Variants in CCDC159 observed in about 807,000 individuals in gnomAD.
CCDC159 encodes coiled-coil domain containing 159, also known as coiled-coil domain-containing protein 159.
In CCDC159, 40 loss-of-function variants were observed where a neutral mutation model predicts 50.9. The observed-to-expected ratio is 0.79, with a 90% CI of 0.61 to 1.02. The LOEUF (loss-of-function observed/expected upper bound fraction) is 1.02. Ranked by LOEUF, CCDC159 falls within the 50% of genes least tolerant of loss-of-function variation. The pLI is 0.00. For synonymous variants in CCDC159, 146 were observed against 138.9 expected (o/e 1.05, Z -0.36); for missense variants, 356 against 371.5 (o/e 0.96, Z 0.34).
Position 11,352,084 on chromosome 19 carries a change from A to G in CCDC159, c.518A>G (p.Asn173Ser), listed in dbSNP as rs1005248633. 10 of 1,613,804 alleles carry G rather than the reference A, an allele frequency of 6.2e-6. No homozygotes were observed. The highest frequency in any genetic ancestry group is 8.5e-6 in the Non-Finnish European group (10 of 1,179,804). ...GCGCAGGAGGATGAGATCTCAGAGA[A>G]CTTGGTGAACATTCAGAAAATGCAG... ...LQAQEDEISE[N>S]LVNIQKMQKT... The change falls in exon 7 of 11, where the codon AAC becomes AGC. Residue 173 changes from asparagine (N) to serine (S), a missense_variant. By Grantham distance (46) the Asn-to-Ser change is conservative (BLOSUM62 1). Transcript: ENST00000458408.
intron 6 of CCDC159, 31 bp downstream of exon 6, chr19:11,352,004 G>A (rs770515973): frequency 1.2e-6 from 2 of 1,612,430 alleles, no homozygotes; most frequent in East Asian, 2.2e-5. Context: ...GCCGGTGTGT[G>A]GGGAGGGGGT....
intron 4 of CCDC159, 40 bp downstream of exon 4, chr19:11,350,239 C>A (rs370497470): frequency 1.0e-5 from 16 of 1,556,462 alleles, no homozygotes; most frequent in Middle Eastern, 3.4e-4. Flanking sequence ...CTAGGCCAGG[C>A]GTGGTGGCTC....
intron 1 of CCDC159, among the ~76,000 whole-genome samples, chr19:11,346,927 G>A (rs1408044112): frequency 6.6e-6 from 1 of 152,116 alleles, no homozygotes; most frequent in Non-Finnish European, 1.5e-5. Context: ...GCACTGGCAT[G>A]GATTAATTTA....
chr19:11,348,858 C>A, intron 1 of CCDC159: 2 of 661,510 alleles, frequency 3.0e-6, no homozygotes, highest in Non-Finnish European at 5.1e-6. Context: ...TGAAGTGTGA[C>A]AAGTACTGGG....
intron 1 of CCDC159, among the ~76,000 whole-genome samples, chr19:11,347,739 A>C (rs1216362985): frequency 1.3e-5 from 2 of 152,214 alleles, no homozygotes; most frequent in African/African-American, 2.4e-5. Flanking sequence ...GAAGAGGCTG[A>C]GTGTGACTCA....
Position 11,353,805 on chromosome 19 carries a change from G to T in CCDC159, c.703G>T (p.Val235Leu). 6.3e-7 allele frequency: 1 copy of T among 1,597,842 alleles called. No individual in the cohort carries two copies. The highest frequency in any genetic ancestry group is 8.5e-7 in the Non-Finnish European group (1 of 1,172,284). The change falls in exon 9 of 11, where the codon GTG becomes TTG. Residue 235 changes from valine to leucine, a missense_variant. Val to Leu is a conservative substitution (Grantham distance 32). Coordinates refer to ENST00000458408, the MANE Select transcript of CCDC159 (RefSeq NM_001080503.3). ...ELSDIWSAVH[V>L]LQNSIDSLTL... ...GTCTTCTTGCAGGTCTGCTGTGCAC[G>T]TGCTGCAGAACTCCATAGACAGCCT...
At chr19:11,349,901 C>T in intron 2 of CCDC159, 37 bp from the exon 3 acceptor site, 3 of 1,598,860 alleles carry the variant, frequency 1.9e-6, no homozygotes, top group Non-Finnish European at 1.7e-6. Flanking sequence ...AGACCCCACC[C>T]CTTACAGCCC....
chr19:11,353,730 G>C (rs774038452), intron 8 of CCDC159, 62 bp from the exon 9 acceptor site: 6 of 1,544,332 alleles, frequency 3.9e-6, no homozygotes, highest in Admixed American at 1.9e-5. Flanking sequence ...TAGCTGTACT[G>C]CTGTCTACAC....
At chr19:11,350,749 A>G in intron 4 of CCDC159, 59 bp from the exon 5 acceptor site, 2 of 1,463,824 alleles carry the variant, frequency 1.4e-6, no homozygotes, top group Non-Finnish European at 9.1e-7. Context: ...GGTCAAGATT[A>G]GGACAAGCTG....
At chr19:11,347,419 C>A (rs1185613703) in intron 1 of CCDC159, among the ~76,000 whole-genome samples, 6 of 152,216 alleles carry the variant, frequency 3.9e-5, no homozygotes, top group African/African-American at 1.4e-4. Context: ...CAACCTCCGC[C>A]TCTGAGGTTC....
chr19:11,354,568 T>G lies in CCDC159; in HGVS notation c.773-12T>G. 1 of 1,568,080 alleles carries G rather than the reference T, an allele frequency of 6.4e-7. No individual in the cohort carries two copies. The highest frequency in any genetic ancestry group is 8.6e-7 in the Non-Finnish European group (1 of 1,157,002). On this transcript the variant is annotated splice_polypyrimidine_tract_variant and intron_variant, in intron 9 of 10. Transcript: ENST00000458408. ...TTGAGGGTCACATTCAGGGAACCTG[T>G]CCCTCCTGCAGGCCACAAGGGGCAC...
In CCDC159 at chr19:11,346,532, A is replaced by G. The variant is rs1967240051; in HGVS notation, c.-75A>G. ...ACCCCTCTCTGTGACTCAGTCTCTG[A>G]GCGTTTTAATACGATGGTGTCCCCG... On this transcript the variant is annotated 5_prime_UTR_variant, in exon 1 of 11. Transcript: ENST00000458408. The G allele has an allele frequency of 2.0e-6, 3 of 1,515,860 alleles. No individual in the cohort carries two copies. Among genetic ancestry groups the G allele is most frequent in the South Asian group, 1.2e-5 (1 of 83,276 alleles). 93.9% of individuals were successfully genotyped at this position (1,515,860 alleles called of 1,614,324 possible). A position where few individuals can be genotyped will look rare whatever the true frequency, so the allele number is the denominator to read the frequency against.
intron 1 of CCDC159, chr19:11,349,238 G>C: frequency 8.5e-7 from 1 of 1,170,352 alleles, no homozygotes; most frequent in African/African-American, 1.6e-5. Context: ...GAAAACCACT[G>C]CAATCTACTG....
chr19:11,349,524 T>C (rs1208515548), intron 1 of CCDC159, 130 bp from the exon 2 acceptor site: 2 of 1,200,040 alleles, frequency 1.7e-6, no homozygotes, highest in Admixed American at 2.0e-5. Flanking sequence ...CAGCTTTGCC[T>C]GCACTTACGG....
At chr19:11,349,120 C>G (rs923804913) in intron 1 of CCDC159, 3 of 1,350,974 alleles carry the variant, frequency 2.2e-6, no homozygotes, top group Non-Finnish European at 2.9e-6. Flanking sequence ...AGGCTGCCCC[C>G]TCCCCCAGTC....
At position 11,354,647 on chromosome 19, in the gene CCDC159, G is replaced by C; in HGVS notation, c.840G>C (p.Gln280His). The C allele has an allele frequency of 6.2e-7, 1 of 1,606,640 alleles. No individual in the cohort carries two copies. Among genetic ancestry groups the C allele is most frequent in the Non-Finnish European group, 8.5e-7 (1 of 1,176,542 alleles). Residue 280 changes from glutamine to histidine, a missense_variant, in exon 10 of 11, where the codon CAG (glutamine) becomes CAC (histidine). Gln to His is a conservative substitution (Grantham distance 24). Transcript: ENST00000458408. ...GGGACTCTGACTCCGACTGTGACCA[G>C]GACCTCTCCCAGCCACCTTTCAGCA... ...PSWDSDSDCD[Q>H]DLSQPPFSKS...
At chr19:11,350,251 C>A (rs372575691) in intron 4 of CCDC159, 52 bp downstream of exon 4, 4 of 1,504,750 alleles carry the variant, frequency 2.7e-6, no homozygotes, top group East Asian at 2.4e-5. Flanking sequence ...TGGTGGCTCA[C>A]GCCTGTAATC....
In CCDC159 at chr19:11,354,719, C is replaced by G. The variant is rs200875587; in HGVS notation, c.889+23C>G. 15 of 1,606,112 alleles carry G rather than the reference C, an allele frequency of 9.3e-6. No individual in the cohort carries two copies. In the African/African-American group the frequency reaches 1.6e-4, roughly 17 times the overall value. On this transcript the variant is annotated intron_variant, in intron 10 of 10. Coordinates refer to ENST00000458408, the MANE Select transcript of CCDC159 (RefSeq NM_001080503.3). ...CCGGTGCAGATCCTCCCCAGTCCCC[C>G]CCTCCACCCATTTCCCTCCTGACCT... is the stretch of plus-strand genomic sequence containing the variant.
chr19:11,354,823 C>G (rs370095918), intron 10 of CCDC159, 50 bp from the exon 11 acceptor site: 1 of 1,612,644 alleles, frequency 6.2e-7, no homozygotes, highest in South Asian at 1.1e-5. Flanking sequence ...CCTGCAGCCC[C>G]GGAGTCCCCT....
Sources: gnomAD v4.1 joint callset for allele counts (sites outside exome capture counted in the v4.1 genomes callset) on GRCh38, gnomAD v4.1.1 for gene constraint, MANE v1.5 for transcripts, NCBI Gene and HGNC (gene_info 2026-07-23, HGNC 2026-07-21) for gene names.